WWTR1: variants seen among roughly 807,000 people sequenced by gnomAD.
WWTR1 encodes the protein WW domain-containing transcription regulator protein 1.
A neutral mutation model predicts 40.1 loss-of-function variants in WWTR1; 13 were observed. The ratio of observed to expected loss-of-function variants is 0.32; its 90% CI spans 0.21 to 0.52. The LOEUF (loss-of-function observed/expected upper bound fraction) is 0.52. WWTR1 is among the 20% of genes least tolerant of loss of function. The probability of loss-of-function intolerance (pLI) is 0.97; values close to 1 mark genes in which losing one functional copy is unlikely to be tolerated. For missense variants in WWTR1, 436 were observed against 523.1 expected, an observed-to-expected ratio of 0.83 and a Z score of 1.63; for synonymous variants, 230 against 210.1, an observed-to-expected ratio of 1.09 and a Z score of -0.82.
intron 2 of WWTR1, among the ~76,000 whole-genome samples, chr3:149,623,995 G>A (rs1459829962): frequency 6.6e-6 from 1 of 152,202 alleles, no homozygotes; most frequent in Non-Finnish European, 1.5e-5. Context: ...CACTCTCTGT[G>A]GAGAAAGTAT....
intron 4 of WWTR1, among the ~76,000 whole-genome samples, chr3:149,532,328 C>A (rs945882545): frequency 6.6e-6 from 1 of 152,190 alleles, no homozygotes; most frequent in African/African-American, 2.4e-5. Flanking sequence ...TGGAACTGAT[C>A]CACTTTAAGT....
intron 3 of WWTR1, among the ~76,000 whole-genome samples, chr3:149,544,574 G>A (rs1029483523): frequency 1.3e-5 from 2 of 152,130 alleles, no homozygotes; most frequent in African/African-American, 4.8e-5. Flanking sequence ...CTTATTTTAT[G>A]GAATAGGGAC....
chr3:149,565,279 G>T (rs1030616933), intron 3 of WWTR1, among the ~76,000 whole-genome samples: 1 of 151,478 alleles, frequency 6.6e-6, no homozygotes, highest in East Asian at 1.9e-4. Flanking sequence ...TTTGTGTATG[G>T]TTCCCAAAAT....
intron 2 of WWTR1, among the ~76,000 whole-genome samples, chr3:149,667,320 G>T (rs185883559): frequency 1.3e-5 from 2 of 152,088 alleles, no homozygotes; most frequent in Non-Finnish European, 2.9e-5. Context: ...GCTGAGGGGG[G>T]GTGGATCATG....
rs116959924 is a variant in WWTR1, at chr3:149,657,805, G to T, written c.-44C>A. ...AGCTGAGCCTGAGCGCGCGGCGGCCGCCGTCCCGCCCGAACTTGCCGTCGG... is the reference window on the plus strand; with the variant it reads ...AGCTGAGCCTGAGCGCGCGGCGGCCTCCGTCCCGCCCGAACTTGCCGTCGG... On this transcript the variant is annotated 5_prime_UTR_variant, in exon 1 of 7. Transcript: ENST00000360632. 747 of 156,532 alleles carry T rather than the reference G, an allele frequency of 4.8e-3. 52 individuals are homozygous for T. In the East Asian group the frequency reaches 0.12, roughly 25 times the overall value. 9.7% of individuals were successfully genotyped at this position (156,532 alleles called of 1,614,324 possible). A position where few individuals can be genotyped will look rare whatever the true frequency, so the allele number is the denominator to read the frequency against.
chr3:149,657,506 C>T, intron 1 of WWTR1, 197 bp from the exon 2 acceptor site: 1 of 615,484 alleles, frequency 1.6e-6, no homozygotes, highest in Non-Finnish European at 2.7e-6. Context: ...CTCCTGGCCT[C>T]GAGAATTATG....
chr3:149,640,763 G>A (rs1712125543), intron 2 of WWTR1, among the ~76,000 whole-genome samples: 1 of 151,856 alleles, frequency 6.6e-6, no homozygotes, highest in Admixed American at 6.6e-5. Flanking sequence ...GCTACTCTTA[G>A]AAACTGGCAG....
chr3:149,688,359 C>T (rs1375962260), intron 1 of WWTR1, among the ~76,000 whole-genome samples: 1 of 152,146 alleles, frequency 6.6e-6, no homozygotes, highest in Non-Finnish European at 1.5e-5. Context: ...AGGTGTGATC[C>T]AGCACAGTCC....
upstream of WWTR1, chr3:149,658,304 A>G (rs1713390999): frequency 6.6e-6 from 1 of 152,390 alleles, no homozygotes; most frequent in African/African-American, 2.4e-5. Context: ...TGAGTTTACC[A>G]CGGACTTGGG....
In WWTR1 at chr3:149,690,521, G is replaced by T. The variant is rs541147710; in HGVS notation, c.-108+12603C>A. Among the ~76,000 whole-genome samples, 22 of 152,152 alleles carry T rather than the reference G, an allele frequency of 1.4e-4. No individual in the cohort carries two copies. The East Asian group carries it at 3.5e-3, about 24-fold the overall frequency. The stretch of plus-strand genomic sequence containing the variant: ...AAAACTATAAAAATAGGCAAAGAAG[G>T]TCATTATATAATGATAAAGGCATCA... On this transcript the variant is annotated intron_variant, in intron 1 of 7. Transcript: ENST00000465804.
At chr3:149,565,092 T>C (rs928892968) in intron 3 of WWTR1, among the ~76,000 whole-genome samples, 8 of 151,900 alleles carry the variant, frequency 5.3e-5, no homozygotes, top group African/African-American at 1.7e-4. Context: ...GGGGCTGAGC[T>C]GGGAGGATGG....
At chr3:149,563,044 GTGAA>G (rs1737156552) in intron 3 of WWTR1, among the ~76,000 whole-genome samples, 2 of 152,080 alleles carry the variant, frequency 1.3e-5, no homozygotes, top group Non-Finnish European at 2.9e-5. Context: ...CCTTAACTGG[GTGAA>G]ATTCTCCATA....
At chr3:149,610,389 T>C (rs1413822951) in intron 2 of WWTR1, among the ~76,000 whole-genome samples, 1 of 152,150 alleles carries the variant, frequency 6.6e-6, no homozygotes, top group Non-Finnish European at 1.5e-5. Flanking sequence ...TCCCAGGGCC[T>C]TGGGAAATAA....
At chr3:149,600,774 C>T (rs1030826645) in intron 2 of WWTR1, among the ~76,000 whole-genome samples, 1 of 152,086 alleles carries the variant, frequency 6.6e-6, no homozygotes, top group Non-Finnish European at 1.5e-5. Context: ...TACCAGTTTC[C>T]GGCACCAACT....
intron 2 of WWTR1, among the ~76,000 whole-genome samples, chr3:149,668,607 C>CAAA (rs10522665): frequency 8.0e-5 from 10 of 125,490 alleles, no homozygotes; most frequent in South Asian, 2.6e-4. Flanking sequence ...GATTGTGTCT[C>CAAA]AAAAAAAACA....
At chr3:149,532,275 C>CAA (rs200128276) in intron 4 of WWTR1, among the ~76,000 whole-genome samples, 1 of 151,614 alleles carries the variant, frequency 6.6e-6, no homozygotes, top group African/African-American at 2.4e-5. Flanking sequence ...ATTCCAATCT[C>CAA]AAAAAAAACA....
intron 3 of WWTR1, among the ~76,000 whole-genome samples, chr3:149,544,705 TGAA>T (rs935592832): frequency 2.0e-5 from 3 of 152,150 alleles, no homozygotes; most frequent in African/African-American, 7.2e-5. Context: ...CATCTTAGAC[TGAA>T]GAAGAGGAAC....
At chr3:149,625,585 G>T (rs1346559817) in intron 2 of WWTR1, among the ~76,000 whole-genome samples, 2 of 152,018 alleles carry the variant, frequency 1.3e-5, no homozygotes. Flanking sequence ...AAGGTCAGGA[G>T]TTCAAGAACA....
At chr3:149,672,244 C>T (rs9810250) in intron 1 of WWTR1, among the ~76,000 whole-genome samples, 86,477 of 151,596 alleles carry the variant, frequency 0.57, 24,940 homozygotes, top group Admixed American at 0.66. Context: ...CAAAGTTCGC[C>T]AACCGCTTTC....
Sources: allele counts gnomAD v4.1 joint callset (sites outside exome capture counted in the v4.1 genomes callset), GRCh38; gene constraint gnomAD v4.1.1; transcripts MANE v1.5; gene names NCBI Gene and HGNC (gene_info 2026-07-23, HGNC 2026-07-21).